Variants in KANK4 observed in about 807,000 individuals in gnomAD.
KANK4 encodes KN motif and ankyrin repeat domain-containing protein 4.
Under a neutral mutation model 80.8 loss-of-function variants are expected in KANK4, and 50 were observed. That is an observed-to-expected ratio of 0.62 (90% confidence interval 0.49 to 0.78). The LOEUF (loss-of-function observed/expected upper bound fraction) is 0.78, where lower values mean the gene tolerates loss of function less well. Ranked by LOEUF, KANK4 falls within the 30% of genes least tolerant of loss-of-function variation. KANK4 has a pLI of 0.00. For synonymous variants in KANK4, 465 were observed against 506.9 expected, an observed-to-expected ratio of 0.92 and a Z score of 1.11; for missense variants, 1,196 against 1,240.1, an observed-to-expected ratio of 0.96 and a Z score of 0.53.
intron 8 of KANK4, among the ~76,000 whole-genome samples, chr1:62,250,789 G>GTA (rs1388844012): frequency 6.6e-6 from 1 of 152,220 alleles, no homozygotes; most frequent in South Asian, 2.1e-4. Context: ...GACAGGAGTT[G>GTA]TAGGTGACTA....
chr1:62,266,017 G>C (rs1672008458), intron 6 of KANK4, among the ~76,000 whole-genome samples: 2 of 152,140 alleles, frequency 1.3e-5, no homozygotes, highest in Non-Finnish European at 2.9e-5. Context: ...CACAGATGAG[G>C]GTCCTGGGAA....
intron 8 of KANK4, among the ~76,000 whole-genome samples, chr1:62,248,529 T>A (rs1465005915): frequency 7.1e-6 from 1 of 141,454 alleles, no homozygotes. Flanking sequence ...CCACTCAATA[T>A]ACCTGGTTAG....
intron 2 of KANK4, among the ~76,000 whole-genome samples, chr1:62,279,805 A>T (rs1672413296): frequency 6.6e-6 from 1 of 152,202 alleles, no homozygotes; most frequent in South Asian, 2.1e-4. Flanking sequence ...GTCCAAGAAA[A>T]TAATTCTGGA....
intron 7 of KANK4, among the ~76,000 whole-genome samples, chr1:62,261,105 A>G (rs909528621): frequency 2.3e-4 from 35 of 150,608 alleles, no homozygotes; most frequent in Admixed American, 4.0e-4. Context: ...CAGGCTTGAC[A>G]GAGAGCTCCA....
In KANK4 at chr1:62,268,473, C is replaced by T. The variant is rs768438819; in HGVS notation, c.2045G>A (p.Gly682Asp). The change falls in exon 5 of 10, where the codon GGT (glycine) becomes GAT (aspartate). Residue 682 changes from glycine to aspartate, a missense_variant. Physicochemically the swap from Gly to Asp is moderately conservative, Grantham distance 94. Around this residue, in one of 3 missense-constraint regions of KANK4, gnomAD observed 1,154 missense variants for 1,179.6 expected, o/e 0.98. Transcript: ENST00000371153. ...YETTSSEETS[G>D]EDSTPEDLSD... is the part of the protein sequence containing the mutation. ...CAAGTCCTCTGGGGTGCTGTCCTCA[C>T]CGCTGGTCTCCTCACTTGAGGTGGT... The T allele has an allele frequency of 1.2e-5, 19 of 1,613,682 alleles. No individual in the cohort carries two copies. The Admixed American group carries it at 1.8e-4, about 16-fold the overall frequency.
At chr1:62,297,866 G>C (rs1182502288) in intron 1 of KANK4, among the ~76,000 whole-genome samples, 1 of 152,210 alleles carries the variant, frequency 6.6e-6, no homozygotes, top group African/African-American at 2.4e-5. Context: ...GAGTTACACA[G>C]ATATCCATTT....
chr1:62,281,695 A>C, intron 1 of KANK4, 61 bp from the exon 2 acceptor site: 1 of 1,045,592 alleles, frequency 9.6e-7, no homozygotes, highest in Non-Finnish European at 1.5e-6. Flanking sequence ...AGTATTGGGG[A>C]AACACAGCAC....
rs1672028348 is a variant in KANK4, at chr1:62,266,659, C to A, written c.2319+73G>T. On this transcript the variant is annotated intron_variant, in intron 6 of 9. Transcript: ENST00000371153. ...CCTGCCTCACACCACTGAATGGGAC[C>A]AAAGTCACCCTGGCAGAGCTAACGT... is the stretch of plus-strand genomic sequence containing the variant. 4.8e-6 allele frequency: 5 copies of A among 1,041,494 alleles called. No homozygotes were observed. The Admixed American group carries it at 9.1e-5, about 19-fold the overall frequency. 64.5% of individuals were successfully genotyped at this position (1,041,494 alleles called of 1,614,324 possible).
At chr1:62,299,853 C>A (rs186895536) in intron 1 of KANK4, among the ~76,000 whole-genome samples, 1 of 152,062 alleles carries the variant, frequency 6.6e-6, no homozygotes, top group African/African-American at 2.4e-5. Context: ...AAGAGTGAGC[C>A]GTTCAAAATA....
rs1671232271 is a variant in KANK4, at chr1:62,237,420, A to G, written c.*857T>C. The G allele has an allele frequency of 1.3e-5, 2 of 152,162 alleles. No individual in the cohort carries two copies. The highest frequency in any genetic ancestry group is 2.9e-5 in the Non-Finnish European group (2 of 68,034). The allele number at this position is 152,162 out of a possible 1,614,324, so 9.4% of individuals were successfully genotyped here. On this transcript the variant is annotated 3_prime_UTR_variant, in exon 10 of 10. Coordinates refer to ENST00000371153, the MANE Select transcript of KANK4 (RefSeq NM_181712.5). ...CTATGCAGGTGGCTTCTTGATGACA[A>G]TAACCCATCCTCAGGAGGAAGCTTT... is the stretch of plus-strand genomic sequence containing the variant.
intron 1 of KANK4, among the ~76,000 whole-genome samples, chr1:62,296,435 A>C (rs975108093): frequency 2.6e-4 from 39 of 152,316 alleles, no homozygotes; most frequent in African/African-American, 8.7e-4. Context: ...GAATGACCTC[A>C]ATCTGCATAA....
chr1:62,296,579 T>A lies in KANK4; in HGVS notation c.-70-14945A>T, dbSNP rs116621133. Among the ~76,000 whole-genome samples, 669 of 152,182 alleles carry A rather than the reference T, an allele frequency of 4.4e-3. 5 individuals carry two copies. Among genetic ancestry groups the A allele is most frequent in the Non-Finnish European group, 5.5e-3 (371 of 68,012 alleles). On this transcript the variant is annotated intron_variant, in intron 1 of 9. Transcript: ENST00000371153. ...TTGTTTTTGTTTTTTTGAGACAGGG[T>A]CTCGCTCTGACACCCCGTCTGGAGT...
intron 1 of KANK4, among the ~76,000 whole-genome samples, chr1:62,313,791 AACC>A (rs1463742608): frequency 2.0e-5 from 3 of 152,190 alleles, no homozygotes; most frequent in African/African-American, 7.2e-5. Context: ...AGGTGCAGCA[AACC>A]ACCATGGCAC....
At chr1:62,288,758 G>A (rs1557499746) in intron 1 of KANK4, among the ~76,000 whole-genome samples, 1 of 152,104 alleles carries the variant, frequency 6.6e-6, no homozygotes, top group Non-Finnish European at 1.5e-5. Flanking sequence ...GACTTGCAAG[G>A]AAAAAGACCC....
intron 1 of KANK4, among the ~76,000 whole-genome samples, chr1:62,294,171 C>T (rs75955598): frequency 0.02 from 3,051 of 152,224 alleles, 94 homozygotes; most frequent in African/African-American, 0.071. Flanking sequence ...TCCTTTAATC[C>T]TTTGTTACTA....
At chr1:62,317,993 G>A (rs1210681089) in intron 1 of KANK4, among the ~76,000 whole-genome samples, 1 of 152,170 alleles carries the variant, frequency 6.6e-6, no homozygotes, top group Non-Finnish European at 1.5e-5. Context: ...GGCTTGAAAA[G>A]GCAGTATTAG....
chr1:62,306,131 T>C (rs1644449207), intron 1 of KANK4, among the ~76,000 whole-genome samples: 1 of 152,128 alleles, frequency 6.6e-6, no homozygotes, highest in Non-Finnish European at 1.5e-5. Context: ...ACTACAGGCA[T>C]GTGCCACCAT....
intron 1 of KANK4, among the ~76,000 whole-genome samples, chr1:62,297,251 T>C (rs1008518235): frequency 6.6e-6 from 1 of 151,842 alleles, no homozygotes; most frequent in African/African-American, 2.4e-5. Context: ...AATAAGTAAA[T>C]AAAAAATACT....
intron 7 of KANK4, among the ~76,000 whole-genome samples, chr1:62,256,925 G>C (rs2149127551): frequency 6.6e-6 from 1 of 152,170 alleles, no homozygotes; most frequent in South Asian, 2.1e-4. Context: ...TCTACACCTT[G>C]ATTATTTTCT....
Sources: gnomAD v4.1 joint callset for allele counts (sites outside exome capture counted in the v4.1 genomes callset) on GRCh38, gnomAD v4.1.1 for gene constraint, gnomAD v4.1.1 regional missense constraint, MANE v1.5 for transcripts, NCBI Gene and HGNC (gene_info 2026-07-23, HGNC 2026-07-21) for gene names.